Variants in DLGAP1 observed in about 807,000 individuals in gnomAD.
The protein encoded by DLGAP1 is disks large-associated protein 1.
Under a neutral mutation model 90.8 loss-of-function variants are expected in DLGAP1, and 11 were observed. That is an observed-to-expected ratio of 0.12 (90% CI 0.08 to 0.20). The LOEUF is 0.20. DLGAP1 is among the 10% of genes least tolerant of loss of function. The pLI is 1.00. For missense variants in DLGAP1, 1,050 were observed against 1,333.8 expected, an observed-to-expected ratio of 0.79 and a Z score of 3.31; for synonymous variants, 558 against 540.7, an observed-to-expected ratio of 1.03 and a Z score of -0.44.
chr18:3,874,972 C>T (rs1344815889), intron 4 of DLGAP1, among the ~76,000 whole-genome samples: 1 of 152,182 alleles, frequency 6.6e-6, no homozygotes, highest in Non-Finnish European at 1.5e-5. Context: ...ATAGACTTCT[C>T]ATTTTCTATA....
chr18:3,978,852 C>T (rs1309763338), intron 3 of DLGAP1, among the ~76,000 whole-genome samples: 1 of 152,080 alleles, frequency 6.6e-6, no homozygotes, highest in Non-Finnish European at 1.5e-5. Flanking sequence ...TCTTGATGGA[C>T]AGAGGCAGAG....
intron 10 of DLGAP1, among the ~76,000 whole-genome samples, chr18:3,523,701 G>A (rs551927993): frequency 2.0e-5 from 3 of 152,134 alleles, no homozygotes; most frequent in Non-Finnish European, 2.9e-5. Flanking sequence ...CAAAAAATTA[G>A]CCAGGCGTGG....
At chr18:4,192,021 T>C (rs1216156542) in intron 1 of DLGAP1, among the ~76,000 whole-genome samples, 1 of 152,104 alleles carries the variant, frequency 6.6e-6, no homozygotes, top group African/African-American at 2.4e-5. Flanking sequence ...AGTAAAGATA[T>C]GACAAAGGGG....
At chr18:4,446,439 AAGCAGCAGC>A (rs139464015) in intron 1 of DLGAP1, among the ~76,000 whole-genome samples, 10 of 151,242 alleles carry the variant, frequency 6.6e-5, no homozygotes, top group Admixed American at 5.3e-4. Context: ...TTGTGAAGTC[AAGCAGCAGC>A]AGCAGCAGCA....
At chr18:4,291,869 A>T (rs1049339321) in intron 1 of DLGAP1, among the ~76,000 whole-genome samples, 4 of 152,276 alleles carry the variant, frequency 2.6e-5, no homozygotes, top group African/African-American at 9.6e-5. Flanking sequence ...GAAAAGAAAA[A>T]ATGTTTGAAT....
chr18:3,830,457 C>T (rs193288752), intron 4 of DLGAP1, among the ~76,000 whole-genome samples: 74 of 152,164 alleles, frequency 4.9e-4, no homozygotes, highest in Admixed American at 8.5e-4. Flanking sequence ...CCCAGCTACT[C>T]GGGAGGCTGG....
chr18:3,786,835 T>C (rs1215542264), intron 5 of DLGAP1, among the ~76,000 whole-genome samples: 2 of 152,200 alleles, frequency 1.3e-5, no homozygotes, highest in East Asian at 1.9e-4. Context: ...CCTCTAGTTA[T>C]CAGAAACTTG....
intron 8 of DLGAP1, among the ~76,000 whole-genome samples, chr18:3,568,552 A>T (rs1255758819): frequency 1.3e-5 from 2 of 152,248 alleles, no homozygotes; most frequent in African/African-American, 2.4e-5. Flanking sequence ...AGACAATTCA[A>T]TGTAAGTTAT....
intron 1 of DLGAP1, among the ~76,000 whole-genome samples, chr18:4,432,162 A>G (rs1244359036): frequency 6.6e-6 from 1 of 152,216 alleles, no homozygotes; most frequent in African/African-American, 2.4e-5. Flanking sequence ...GTCATACTTT[A>G]TAAGTGGTGA....
chr18:3,996,569 A>G lies in DLGAP1; in HGVS notation c.-73+8547T>C, dbSNP rs1238762136. 2.0e-5 allele frequency among the ~76,000 whole-genome samples: 3 copies of G among 152,064 alleles called. No homozygotes were observed. The East Asian group carries it at 5.8e-4, about 29-fold the overall frequency. ...TTTCAAATGTTTAGTACAAAGCCAA[A>G]AGAATGTAATATTTCTCATTAATAA... On this transcript the variant is annotated intron_variant, in intron 3 of 12. Coordinates refer to ENST00000315677, the MANE Select transcript of DLGAP1 (RefSeq NM_004746.4).
chr18:4,451,632 A>C (rs2083834427), intron 1 of DLGAP1, among the ~76,000 whole-genome samples: 1 of 152,184 alleles, frequency 6.6e-6, no homozygotes, highest in Admixed American at 6.5e-5. Context: ...TCGAGCTACA[A>C]ATTCTCATGC....
chr18:4,246,376 T>C (rs2078653017), intron 1 of DLGAP1, among the ~76,000 whole-genome samples: 1 of 152,224 alleles, frequency 6.6e-6, no homozygotes, highest in Non-Finnish European at 1.5e-5. Flanking sequence ...CAGTTCTGGG[T>C]GAAAATGGAT....
rs963212808 is a variant in DLGAP1, at chr18:4,006,525, A to C, written c.-158-1324T>G. 3.3e-5 allele frequency among the ~76,000 whole-genome samples: 5 copies of C among 152,214 alleles called. No individual in the cohort carries two copies. The South Asian group carries it at 1.0e-3, about 32-fold the overall frequency. On this transcript the variant is annotated intron_variant, in intron 2 of 12. Coordinates refer to ENST00000315677, the MANE Select transcript of DLGAP1 (RefSeq NM_004746.4). ...ACTCTAAGAGTGCTCCAGCTGTTGAATTTTTGCAGTCACAGTTGGAGGAGG... is the reference window on the plus strand; with the variant it reads ...ACTCTAAGAGTGCTCCAGCTGTTGACTTTTTGCAGTCACAGTTGGAGGAGG...
At chr18:4,445,985 T>C (rs975541710) in intron 1 of DLGAP1, among the ~76,000 whole-genome samples, 1 of 151,994 alleles carries the variant, frequency 6.6e-6, no homozygotes, top group Non-Finnish European at 1.5e-5. Flanking sequence ...TGAGGCTCCT[T>C]GTCCTAGTCT....
At chr18:3,786,985 G>A (rs902214647) in intron 5 of DLGAP1, among the ~76,000 whole-genome samples, 1 of 119,918 alleles carries the variant, frequency 8.3e-6, no homozygotes, top group African/African-American at 3.0e-5. Flanking sequence ...GATGAAAGCA[G>A]TGAATAAGTA....
At chr18:3,886,526 G>T (rs2071319291) in intron 3 of DLGAP1, among the ~76,000 whole-genome samples, 1 of 132,020 alleles carries the variant, frequency 7.6e-6, no homozygotes, top group Admixed American at 7.7e-5. Context: ...CATTCATTCG[G>T]ACTTGCATCT....
intron 5 of DLGAP1, among the ~76,000 whole-genome samples, chr18:3,744,469 C>T (rs953438496): frequency 6.6e-6 from 1 of 151,982 alleles, no homozygotes; most frequent in African/African-American, 2.4e-5. Flanking sequence ...GCAAAAAACC[C>T]CCACAACAAT....
At chr18:4,114,801 T>C (rs569322128) in intron 2 of DLGAP1, among the ~76,000 whole-genome samples, 5 of 152,310 alleles carry the variant, frequency 3.3e-5, no homozygotes, top group Non-Finnish European at 7.4e-5. Flanking sequence ...GTTTGCATGG[T>C]ATATCTTTTT....
At chr18:4,105,130 T>G (rs544140597) in intron 2 of DLGAP1, among the ~76,000 whole-genome samples, 3 of 152,204 alleles carry the variant, frequency 2.0e-5, no homozygotes, top group Admixed American at 2.0e-4. Flanking sequence ...AGAGAAGCAC[T>G]CACACGGTGC....
Sources: gnomAD v4.1 joint callset for allele counts (sites outside exome capture counted in the v4.1 genomes callset) on GRCh38, gnomAD v4.1.1 for gene constraint, MANE v1.5 for transcripts, NCBI Gene and HGNC (gene_info 2026-07-23, HGNC 2026-07-21) for gene names.